The following STAT5B variants were observed in gnomAD, a reference collection of about 807,000 sequenced individuals.
STAT5B encodes signal transducer and activator of transcription 5B.
Under a neutral mutation model 107.8 loss-of-function variants are expected in STAT5B, and 21 were observed. The observed-to-expected ratio is 0.19, with a 90% confidence interval of 0.14 to 0.28. STAT5B has a LOEUF of 0.28. STAT5B is among the 10% of genes least tolerant of loss of function. STAT5B has a pLI of 1.00. For synonymous variants in STAT5B, 325 were observed against 401.7 expected (o/e 0.81, Z 2.28); for missense variants, 565 against 1,008.2 (o/e 0.56, Z 5.95).
At chr17:42,282,092 G>A in the STAT5B span, among the ~76,000 whole-genome samples, 1 of 152,184 alleles carries the variant, frequency 6.6e-6, no homozygotes, top group Non-Finnish European at 1.5e-5. Flanking sequence ...ACAGGGGGCT[G>A]CCCTGAACCG....
chr17:42,203,012 G>A (rs767171981), intron 16 of STAT5B: 62 of 660,272 alleles, frequency 9.4e-5, no homozygotes, highest in Non-Finnish European at 1.5e-4. Context: ...GTGCAATCTC[G>A]GCTCACTGCA....
At chr17:42,279,454 A>G (rs1446330451), upstream of STAT5B, among the ~76,000 whole-genome samples, 1 of 152,198 alleles carries the variant, frequency 6.6e-6, no homozygotes, top group Non-Finnish European at 1.5e-5. Context: ...CTAGGACTCA[A>G]GCCAGCTGGT....
intron 7 of STAT5B, 89 bp from the exon 8 acceptor site, chr17:42,218,967 A>C: frequency 6.2e-7 from 1 of 1,603,344 alleles, no homozygotes; most frequent in Non-Finnish European, 8.5e-7. Context: ...TCCCCCAGGA[A>C]GGCTCTGTGC....
Position 42,239,228 on chromosome 17 carries a change from C to T in STAT5B, c.-10-7091G>A, listed in dbSNP as rs980406292. On this transcript the variant is annotated intron_variant, in intron 1 of 18. Coordinates refer to ENST00000293328, the MANE Select transcript of STAT5B (RefSeq NM_012448.4). ...ATGCCACTGCACTCCAAGCTGGCGACAGAGCAAGACTCTGTCTCAAAAAAA... is the reference window on the plus strand; with the variant it reads ...ATGCCACTGCACTCCAAGCTGGCGATAGAGCAAGACTCTGTCTCAAAAAAA... Among the ~76,000 whole-genome samples, 11 of 120,760 alleles carry T rather than the reference C, an allele frequency of 9.1e-5. No individual in the cohort carries two copies. The Admixed American group carries it at 1.1e-3, about 12-fold the overall frequency. 79.2% of individuals were successfully genotyped at this position (120,760 alleles called of 152,430 possible).
chr17:42,281,082 A>G (rs558590834), upstream of STAT5B, among the ~76,000 whole-genome samples: 2 of 151,724 alleles, frequency 1.3e-5, no homozygotes, highest in African/African-American at 4.8e-5. Context: ...TGCAGTGAGC[A>G]GAGATCGCGC....
intron 1 of STAT5B, among the ~76,000 whole-genome samples, chr17:42,248,707 G>A (rs1012346792): frequency 2.0e-5 from 3 of 152,186 alleles, no homozygotes; most frequent in Admixed American, 2.0e-4. Flanking sequence ...CCAGGATAAC[G>A]GCAGAGCCCT....
chr17:42,263,015 T>A (rs1163629808), intron 1 of STAT5B, among the ~76,000 whole-genome samples: 12 of 35,160 alleles, frequency 3.4e-4, no homozygotes, highest in African/African-American at 2.0e-3. Context: ...TATATATATA[T>A]AAAAAAACAA....
chr17:42,251,163 G>C (rs1027475079), intron 1 of STAT5B, among the ~76,000 whole-genome samples: 1 of 152,074 alleles, frequency 6.6e-6, no homozygotes, highest in Non-Finnish European at 1.5e-5. Flanking sequence ...TGCCATATTT[G>C]GGGGGTGGGG....
intron 18 of STAT5B, 63 bp downstream of exon 18, chr17:42,202,277 G>A (rs1037612150): frequency 4.4e-6 from 7 of 1,593,996 alleles, no homozygotes; most frequent in Non-Finnish European, 6.0e-6. Flanking sequence ...GCCCTCCAGG[G>A]GTCCAGCCTG....
the STAT5B span, among the ~76,000 whole-genome samples, chr17:42,284,138 C>T: frequency 6.6e-6 from 1 of 152,098 alleles, no homozygotes; most frequent in African/African-American, 2.4e-5. Flanking sequence ...CCACCTCCCT[C>T]CACCCCCCAA....
chr17:42,241,955 T>A (rs139369258), intron 1 of STAT5B, among the ~76,000 whole-genome samples: 1 of 152,028 alleles, frequency 6.6e-6, no homozygotes, highest in Non-Finnish European at 1.5e-5. Flanking sequence ...AAAATCACAT[T>A]ATTAAACAGA....
chr17:42,210,827 C>CA (rs2080122278), intron 13 of STAT5B, among the ~76,000 whole-genome samples: 1 of 152,124 alleles, frequency 6.6e-6, no homozygotes, highest in African/African-American at 2.4e-5. Flanking sequence ...CTGAGAAATG[C>CA]ACGTTGTTAG....
intron 1 of STAT5B, among the ~76,000 whole-genome samples, chr17:42,265,374 C>CTTTTTTTTTTTTTTTTTTTTTTTTTTTT (rs1275073687): frequency 1.0e-5 from 1 of 99,294 alleles, no homozygotes; most frequent in African/African-American, 5.0e-5. Flanking sequence ...GGTATGTACT[C>CTTTTTTTTTTTTTTTTTTTTTTTTTTTT]TTCTTTTTTT....
At chr17:42,216,311 A>C (rs1598301390) in intron 11 of STAT5B, among the ~76,000 whole-genome samples, 1 of 152,304 alleles carries the variant, frequency 6.6e-6, no homozygotes, top group East Asian at 1.9e-4. Context: ...TTTACAAGCA[A>C]TGTTGCTTAG....
intron 1 of STAT5B, among the ~76,000 whole-genome samples, chr17:42,269,094 G>A (rs1269817903): frequency 1.3e-5 from 2 of 152,082 alleles, no homozygotes; most frequent in African/African-American, 4.8e-5. Context: ...ATTTTTTTGA[G>A]ATGGAGTCTC....
At chr17:42,287,613 T>A in the STAT5B span, 1 of 152,268 alleles carries the variant, frequency 6.6e-6, no homozygotes, top group Admixed American at 6.5e-5. Flanking sequence ...CTCAAGACGG[T>A]CCCTCCCTGG....
At chr17:42,258,549 C>T (rs2080566831) in intron 1 of STAT5B, among the ~76,000 whole-genome samples, 2 of 152,170 alleles carry the variant, frequency 1.3e-5, no homozygotes, top group African/African-American at 4.8e-5. Flanking sequence ...CATGGTGGAA[C>T]TTGCCTGTAA....
intron 1 of STAT5B, among the ~76,000 whole-genome samples, chr17:42,249,928 C>T (rs1465825471): frequency 6.6e-6 from 1 of 152,214 alleles, no homozygotes; most frequent in Non-Finnish European, 1.5e-5. Context: ...CTCCAAAGTG[C>T]TGGGATGACA....
chr17:42,228,445 C>G (rs975144618), intron 2 of STAT5B, among the ~76,000 whole-genome samples: 1 of 152,056 alleles, frequency 6.6e-6, no homozygotes, highest in African/African-American at 2.4e-5. Flanking sequence ...ACTTAGGCAA[C>G]AATTGACACT....
Sources: gnomAD v4.1 joint callset for allele counts (sites outside exome capture counted in the v4.1 genomes callset) on GRCh38, gnomAD v4.1.1 for gene constraint, MANE v1.5 for transcripts, NCBI Gene and HGNC (gene_info 2026-07-23, HGNC 2026-07-21) for gene names.